The following KATNIP variants were observed in gnomAD, a reference collection of about 807,000 sequenced individuals.
KATNIP encodes katanin interacting protein.
KATNIP carries 126 observed loss-of-function variants against 174.0 expected under a neutral mutation model. The ratio of observed to expected loss-of-function variants is 0.72; its 90% confidence interval spans 0.63 to 0.84. KATNIP has a LOEUF of 0.84. KATNIP is among the 40% of genes least tolerant of loss of function. KATNIP has a pLI of 0.00. For synonymous variants in KATNIP, 810 were observed against 835.7 expected (o/e 0.97, Z 0.53); for missense variants, 1,958 against 2,109.7 (o/e 0.93, Z 1.41).
intron 5 of KATNIP, among the ~76,000 whole-genome samples, chr16:27,641,074 G>A (rs1025660025): frequency 3.3e-5 from 5 of 151,796 alleles, no homozygotes; most frequent in African/African-American, 7.3e-5. Context: ...GGAGGCAGAG[G>A]TTGCAGTGAG....
chr16:27,747,439 G>C (rs1410672224), intron 15 of KATNIP, among the ~76,000 whole-genome samples: 1 of 152,062 alleles, frequency 6.6e-6, no homozygotes, highest in Non-Finnish European at 1.5e-5. Context: ...GTTGTCATCA[G>C]GATCCTCCAT....
At chr16:27,584,652 G>A (rs1296756598) in intron 2 of KATNIP, among the ~76,000 whole-genome samples, 1 of 152,098 alleles carries the variant, frequency 6.6e-6, no homozygotes, top group Admixed American at 6.5e-5. Flanking sequence ...CTAGCTGTGT[G>A]TGTTGGTGGG....
At chr16:27,660,101 A>G (rs982140109) in intron 6 of KATNIP, 2 of 732,874 alleles carry the variant, frequency 2.7e-6, no homozygotes, top group African/African-American at 3.8e-5. Flanking sequence ...GGGTTTTTCC[A>G]TAAACATTCT....
intron 18 of KATNIP, among the ~76,000 whole-genome samples, chr16:27,756,356 T>C (rs1404413940): frequency 6.6e-6 from 1 of 152,218 alleles, no homozygotes; most frequent in Admixed American, 6.5e-5. Flanking sequence ...GAGGCTTGGT[T>C]TCATCTCCCA....
chr16:27,722,808 C>A (rs2080294573), intron 14 of KATNIP, among the ~76,000 whole-genome samples: 1 of 152,228 alleles, frequency 6.6e-6, no homozygotes, highest in South Asian at 2.1e-4. Context: ...TAGATCTTCC[C>A]AACATGCCCA....
At chr16:27,713,506 C>T (rs1025548162) in intron 13 of KATNIP, among the ~76,000 whole-genome samples, 1 of 151,236 alleles carries the variant, frequency 6.6e-6, no homozygotes, top group Non-Finnish European at 1.5e-5. Context: ...TTTGGGAGAT[C>T]GAGGCAGGAG....
At chr16:27,658,269 A>G (rs2077362396) in intron 6 of KATNIP, among the ~76,000 whole-genome samples, 1 of 152,232 alleles carries the variant, frequency 6.6e-6, no homozygotes, top group South Asian at 2.1e-4. Flanking sequence ...AAAGTTGGAT[A>G]TGCATAAGAA....
At position 27,677,799 on chromosome 16, in the gene KATNIP, A is replaced by G. The variant is rs111842345; in HGVS notation, c.611A>G (p.Tyr204Cys). 317 of 1,614,204 alleles carry G rather than the reference A, an allele frequency of 2.0e-4. No homozygotes were observed. In the Middle Eastern group the frequency reaches 3.0e-3, roughly 15 times the overall value. Reference protein sequence around the residue: ...RKQKDCSSDEYDSIEEDILSE... With the variant: ...RKQKDCSSDECDSIEEDILSE... The stretch of plus-strand genomic sequence containing the variant: ...CAAAAGGATTGTTCCAGCGATGAGT[A>G]TGACTCTATTGAGGAAGACATACTC... Residue 204 changes from tyrosine to cysteine, a missense_variant, in exon 7 of 28, where the codon TAT (tyrosine) becomes TGT (cysteine). Physicochemically the swap from Tyr to Cys is radical, Grantham distance 194. This residue lies in a region of KATNIP where 1,557 missense variants were observed against 1,617.8 expected (regional missense o/e 0.96). Transcript: ENST00000261588.
intron 18 of KATNIP, among the ~76,000 whole-genome samples, chr16:27,757,287 C>A (rs893692384): frequency 1.3e-5 from 2 of 152,148 alleles, no homozygotes; most frequent in African/African-American, 4.8e-5. Context: ...CTGTGACTCA[C>A]CATGGTGGGT....
chr16:27,723,652 C>T (rs1486915025), intron 14 of KATNIP, among the ~76,000 whole-genome samples: 1 of 152,136 alleles, frequency 6.6e-6, no homozygotes. Flanking sequence ...TGAATGAGCT[C>T]ATGTTCCTAA....
chr16:27,773,231 T>G, intron 23 of KATNIP, 22 bp downstream of exon 23: 1 of 1,516,870 alleles, frequency 6.6e-7, no homozygotes, highest in Non-Finnish European at 9.1e-7. Context: ...AGGACAGGAG[T>G]GGGCTCCACC....
rs759177554 is a variant in KATNIP, at chr16:27,751,961, A to T, written c.3552+37A>T. 1.9e-6 allele frequency: 3 copies of T among 1,546,350 alleles called. No individual in the cohort carries two copies. In the Admixed American group the frequency reaches 5.6e-5, roughly 29 times the overall value. ...GCTGGGGGGCTGTGGGGGGACCCCC[A>T]GATAGGTTTCTTCCCCTAACTCAGA... On this transcript the variant is annotated intron_variant, in intron 17 of 27. Coordinates refer to ENST00000261588, the MANE Select transcript of KATNIP (RefSeq NM_015202.5).
intron 1 of KATNIP, among the ~76,000 whole-genome samples, chr16:27,573,308 G>A (rs757270645): frequency 2.0e-5 from 3 of 152,182 alleles, no homozygotes; most frequent in African/African-American, 4.8e-5. Context: ...AACTGCATTC[G>A]AAACAGCATA....
chr16:27,694,912 T>G (rs935542799), intron 8 of KATNIP, among the ~76,000 whole-genome samples: 12 of 152,310 alleles, frequency 7.9e-5, no homozygotes, highest in African/African-American at 2.2e-4. Context: ...CACTCACATC[T>G]TGAACCCAGC....
chr16:27,717,468 T>C (rs1424094033), intron 13 of KATNIP, among the ~76,000 whole-genome samples: 2 of 152,106 alleles, frequency 1.3e-5, no homozygotes, highest in African/African-American at 4.8e-5. Context: ...TTCTCTCTTA[T>C]TTTTTTCCTA....
At chr16:27,726,314 C>T (rs574660625) in intron 14 of KATNIP, among the ~76,000 whole-genome samples, 19 of 152,192 alleles carry the variant, frequency 1.2e-4, no homozygotes, top group African/African-American at 3.9e-4. Context: ...GGTTGGGGAC[C>T]GCTGGTGTAG....
At chr16:27,741,843 A>G (rs1196765150) in intron 15 of KATNIP, among the ~76,000 whole-genome samples, 1 of 151,626 alleles carries the variant, frequency 6.6e-6, no homozygotes, top group African/African-American at 2.4e-5. Flanking sequence ...TGGAGGCTAC[A>G]GTGATCCGAA....
intron 14 of KATNIP, among the ~76,000 whole-genome samples, chr16:27,726,913 C>T (rs1445101196): frequency 6.6e-6 from 1 of 152,164 alleles, no homozygotes; most frequent in African/African-American, 2.4e-5. Flanking sequence ...AGGTGGGGAC[C>T]AGATCCTGTG....
At chr16:27,732,660 G>A (rs1017748918) in intron 14 of KATNIP, among the ~76,000 whole-genome samples, 1 of 152,136 alleles carries the variant, frequency 6.6e-6, no homozygotes, top group Non-Finnish European at 1.5e-5. Flanking sequence ...CAGCCCTTGA[G>A]CCAGGTCCTA....
Sources: allele counts gnomAD v4.1 joint callset (sites outside exome capture counted in the v4.1 genomes callset), GRCh38; gene constraint gnomAD v4.1.1; regional missense constraint gnomAD v4.1.1; transcripts MANE v1.5; gene names NCBI Gene and HGNC (gene_info 2026-07-23, HGNC 2026-07-21).